Variants in TAFA2 observed in about 807,000 individuals in gnomAD.
TAFA2 encodes TAFA chemokine like family member 2.
In TAFA2, 7 loss-of-function variants were observed where a neutral mutation model predicts 18.8. That is an observed-to-expected ratio of 0.37 (90% CI 0.21 to 0.70). The LOEUF (loss-of-function observed/expected upper bound fraction) is 0.70. TAFA2 is among the 30% of genes least tolerant of loss of function. The pLI, the probability that TAFA2 is intolerant of heterozygous loss-of-function variation, is 0.53. For synonymous variants in TAFA2, 60 were observed against 54.2 expected (o/e 1.11, Z -0.47); for missense variants, 122 against 158.1 (o/e 0.77, Z 1.23).
At chr12:62,048,747 A>C (rs1220518164) in intron 1 of TAFA2, among the ~76,000 whole-genome samples, 1 of 152,216 alleles carries the variant, frequency 6.6e-6, no homozygotes, top group Non-Finnish European at 1.5e-5. Context: ...TAGATTAATA[A>C]AATGGAGAAA....
At chr12:61,874,941 G>A (rs141462050) in intron 1 of TAFA2, among the ~76,000 whole-genome samples, 2 of 151,810 alleles carry the variant, frequency 1.3e-5, no homozygotes, top group East Asian at 1.9e-4. Context: ...AAGAAATCAC[G>A]GGAGAGTTTG....
chr12:61,880,930 C>A (rs1001484198), intron 1 of TAFA2, among the ~76,000 whole-genome samples: 8 of 152,084 alleles, frequency 5.3e-5, no homozygotes, highest in Admixed American at 1.3e-4. Flanking sequence ...TGCCGGGGGA[C>A]CCCCCTTCCC....
At chr12:61,876,813 T>A (rs1874867039) in intron 1 of TAFA2, among the ~76,000 whole-genome samples, 1 of 152,018 alleles carries the variant, frequency 6.6e-6, no homozygotes, top group Non-Finnish European at 1.5e-5. Context: ...CAACTTCACT[T>A]GAATTCACAC....
chr12:61,844,392 T>A (rs376478313), intron 2 of TAFA2, among the ~76,000 whole-genome samples: 1 of 152,146 alleles, frequency 6.6e-6, no homozygotes, highest in East Asian at 1.9e-4. Context: ...ACGGAGTCAT[T>A]TGTCAAAATA....
At chr12:62,054,500 C>A (rs1413219698) in intron 1 of TAFA2, among the ~76,000 whole-genome samples, 3 of 152,132 alleles carry the variant, frequency 2.0e-5, no homozygotes, top group Non-Finnish European at 2.9e-5. Context: ...ATACTTTAAG[C>A]TTTAGTGAAC....
chr12:62,188,839 C>T (rs529913500), intron 1 of TAFA2, among the ~76,000 whole-genome samples: 1 of 152,168 alleles, frequency 6.6e-6, no homozygotes, highest in South Asian at 2.1e-4. Flanking sequence ...CATATTTTTA[C>T]AGCCATGTCA....
intron 1 of TAFA2, among the ~76,000 whole-genome samples, chr12:62,080,435 C>T (rs1433837337): frequency 6.6e-6 from 1 of 152,046 alleles, no homozygotes; most frequent in Admixed American, 6.6e-5. Context: ...ATTCTGCCTA[C>T]CACATTACCC....
rs1022097788 is a variant in TAFA2, at chr12:61,831,441, A to G, written c.106+35879T>C. Among the ~76,000 whole-genome samples the G allele has an allele frequency of 1.1e-4, 16 of 152,170 alleles. No individual in the cohort carries two copies. The East Asian group carries it at 3.1e-3, about 30-fold the overall frequency. On this transcript the variant is annotated intron_variant, in intron 2 of 4. Transcript: ENST00000416284. ...TATCTAACCCCAATATATAAAACTG[A>G]TCAAATCAAAGCTACTTTGATTGAA...
At chr12:62,242,235 T>A (rs558600732) in intron 1 of TAFA2, among the ~76,000 whole-genome samples, 1 of 152,294 alleles carries the variant, frequency 6.6e-6, no homozygotes, top group East Asian at 1.9e-4. Flanking sequence ...CTGAGACATA[T>A]TTTATGAATA....
intron 1 of TAFA2, among the ~76,000 whole-genome samples, chr12:62,005,820 A>G (rs1203622244): frequency 6.6e-6 from 1 of 152,114 alleles, no homozygotes; most frequent in African/African-American, 2.4e-5. Flanking sequence ...CACAAATAGT[A>G]AGTGATGCAA....
At chr12:61,722,261 A>G (rs1230616388) in intron 4 of TAFA2, among the ~76,000 whole-genome samples, 1 of 152,182 alleles carries the variant, frequency 6.6e-6, no homozygotes, top group African/African-American at 2.4e-5. Flanking sequence ...GAAGAAAAAT[A>G]TATTTTCTAA....
intron 1 of TAFA2, among the ~76,000 whole-genome samples, chr12:61,896,089 G>A (rs1197543785): frequency 1.3e-5 from 2 of 152,024 alleles, no homozygotes; most frequent in South Asian, 2.1e-4. Context: ...GGGGAGAAAA[G>A]GAATACAACT....
rs116884184 is a variant in TAFA2 at position 61,843,044 on chromosome 12, C to T, written c.106+24276G>A. ...CAGAGGGGAAGTTGAGATGAATCAC[C>T]GTATGGAGAGAGAGACTAAGGGAAT... On this transcript the variant is annotated intron_variant, in intron 2 of 4. Transcript: ENST00000416284. 3.3e-5 allele frequency among the ~76,000 whole-genome samples: 5 copies of T among 151,960 alleles called. No homozygotes were observed. The East Asian group carries it at 5.8e-4, about 18-fold the overall frequency.
chr12:61,851,667 C>A lies in TAFA2; in HGVS notation c.106+15653G>T, dbSNP rs533613992. ...GCGGGGGCCTATAGTCCCAGCAACT[C>A]CGGAGGCTGAGGCAGGAGAATGGCA... On this transcript the variant is annotated intron_variant, in intron 2 of 4. Coordinates refer to ENST00000416284, the MANE Select transcript of TAFA2 (RefSeq NM_178539.5). Among the ~76,000 whole-genome samples the A allele has an allele frequency of 2.7e-5, 4 of 150,442 alleles. No individual in the cohort carries two copies. The South Asian group carries it at 8.5e-4, about 32-fold the overall frequency.
chr12:61,811,581 A>G (rs542469380), intron 2 of TAFA2, among the ~76,000 whole-genome samples: 20 of 151,606 alleles, frequency 1.3e-4, no homozygotes, highest in Non-Finnish European at 2.8e-4. Context: ...AGCCATATAC[A>G]AAAATAACCA....
In TAFA2 at chr12:61,812,719, C is replaced by G. The variant is rs940877808; in HGVS notation, c.106+54601G>C. ...TGAGTAGCTGGGATTACAGGCGCCC[C>G]CTGCCACGCCCGGATAACTTTTGTA... On this transcript the variant is annotated intron_variant, in intron 2 of 4. Transcript: ENST00000416284. Among the ~76,000 whole-genome samples, 52 of 150,622 alleles carry G rather than the reference C, an allele frequency of 3.5e-4. 3 individuals carry two copies. The highest frequency in any genetic ancestry group is 1.2e-3 in the African/African-American group (50 of 40,164).
intron 1 of TAFA2, among the ~76,000 whole-genome samples, chr12:62,181,267 T>C (rs1284551735): frequency 6.6e-6 from 1 of 152,144 alleles, no homozygotes; most frequent in Non-Finnish European, 1.5e-5. Context: ...CTACACTCTA[T>C]CAATTTGTAA....
At chr12:61,755,496 A>AC (rs1303633798) in intron 2 of TAFA2, among the ~76,000 whole-genome samples, 2 of 152,096 alleles carry the variant, frequency 1.3e-5, no homozygotes, top group African/African-American at 4.8e-5. Flanking sequence ...GTGGAGGCAG[A>AC]CAGTGGGCAC....
At chr12:62,120,411 G>A (rs938813361) in intron 1 of TAFA2, among the ~76,000 whole-genome samples, 1 of 152,166 alleles carries the variant, frequency 6.6e-6, no homozygotes, top group African/African-American at 2.4e-5. Context: ...TAAAATAGAA[G>A]CAGTCAATAG....
Sources: gnomAD v4.1 joint callset for allele counts (sites outside exome capture counted in the v4.1 genomes callset) on GRCh38, gnomAD v4.1.1 for gene constraint, MANE v1.5 for transcripts, NCBI Gene and HGNC (gene_info 2026-07-23, HGNC 2026-07-21) for gene names.